TAOK3: variants seen among roughly 807,000 people sequenced by gnomAD.
The protein encoded by TAOK3 is TAO kinase 3.
TAOK3 carries 40 observed loss-of-function variants against 120.4 expected under a neutral mutation model. That is an observed-to-expected ratio of 0.33 (90% CI 0.26 to 0.43). The LOEUF (loss-of-function observed/expected upper bound fraction) is 0.43. Among genes scored for constraint, TAOK3 ranks in the 20% least tolerant of loss-of-function variants. TAOK3 has a pLI of 1.00. For missense variants in TAOK3, 821 were observed against 1,112.1 expected, an observed-to-expected ratio of 0.74 and a Z score of 3.72; for synonymous variants, 355 against 387.5, an observed-to-expected ratio of 0.92 and a Z score of 0.99.
chr12:118,316,119 T>G (rs2043447853), intron 1 of TAOK3, among the ~76,000 whole-genome samples: 1 of 152,208 alleles, frequency 6.6e-6, no homozygotes, highest in African/African-American at 2.4e-5. Context: ...TCCCTTCAAT[T>G]TATTCCTAAT....
chr12:118,314,765 A>G (rs576799529), intron 1 of TAOK3, among the ~76,000 whole-genome samples: 3 of 152,256 alleles, frequency 2.0e-5, no homozygotes, highest in Admixed American at 6.5e-5. Context: ...CCACCATAAC[A>G]ATGCTTATCA....
At chr12:118,214,179 T>G in intron 9 of TAOK3, 69 bp from the exon 10 acceptor site, 1 of 1,241,204 alleles carries the variant, frequency 8.1e-7, no homozygotes, top group Admixed American at 2.3e-5. Flanking sequence ...AATAAGAAAC[T>G]ATGAGCAAAG....
In TAOK3 at chr12:118,168,957, TTTCCTTCCTTCCTTCCTTCCTTCC is replaced by T. The variant is rs150570843; in HGVS notation, c.1899+3476_1899+3499del. Among the ~76,000 whole-genome samples the T allele has an allele frequency of 8.9e-3, 1,321 of 147,782 alleles. 13 individuals carry two copies. Among genetic ancestry groups the T allele is most frequent in the African/African-American group, 0.03 (1,189 of 39,774 alleles). On this transcript the variant is annotated intron_variant, in intron 17 of 20. Transcript: ENST00000392533. ...TGCAGTACTGAATCAGCTTGCTTGC[TTTCCTTCCTTCCTTCCTTCCTTCC>T]TTCCTTCCTTCCTTCCTTCCTTTCT...
At chr12:118,341,022 A>G (rs1041226555) in intron 1 of TAOK3, among the ~76,000 whole-genome samples, 1 of 147,708 alleles carries the variant, frequency 6.8e-6, no homozygotes, top group East Asian at 2.0e-4. Context: ...ACAGAGTCTC[A>G]CTCTGTTGCC....
chr12:118,245,056 ATATT>A (rs1475655480), intron 3 of TAOK3, 91 bp from the exon 4 acceptor site: 1 of 783,134 alleles, frequency 1.3e-6, no homozygotes, highest in Non-Finnish European at 2.0e-6. Context: ...ATTTATTTAT[ATATT>A]TATTTATTGA....
chr12:118,305,119 TG>T (rs1464259727), intron 1 of TAOK3, among the ~76,000 whole-genome samples: 2 of 152,160 alleles, frequency 1.3e-5, no homozygotes, highest in Admixed American at 1.3e-4. Context: ...GATTGTTTAT[TG>T]TCAGGATTTA....
intron 13 of TAOK3, among the ~76,000 whole-genome samples, chr12:118,192,026 T>A (rs1322687594): frequency 1.3e-5 from 2 of 152,168 alleles, no homozygotes; most frequent in African/African-American, 4.8e-5. Context: ...GGATAACCAA[T>A]GACACTAGAA....
intron 1 of TAOK3, among the ~76,000 whole-genome samples, chr12:118,290,921 T>G (rs1005626624): frequency 6.6e-5 from 10 of 150,768 alleles, no homozygotes; most frequent in Non-Finnish European, 1.2e-4. Context: ...TGAGACGGAG[T>G]CTGTTGCCCA....
At chr12:118,294,495 A>G (rs61946064) in intron 1 of TAOK3, among the ~76,000 whole-genome samples, 14,368 of 151,674 alleles carry the variant, frequency 0.095, 861 homozygotes, top group Non-Finnish European at 0.13. Flanking sequence ...GCGACCCTCC[A>G]GCCTCAGTCT....
chr12:118,324,734 CTTTTTTTTTTTTTT>C (rs35462737), intron 1 of TAOK3, among the ~76,000 whole-genome samples: 5 of 69,584 alleles, frequency 7.2e-5, no homozygotes, highest in Non-Finnish European at 1.1e-4. Context: ...GAATTTCATT[CTTTTTTTTTTTTTT>C]TTTTTTTTTT....
At chr12:118,247,631 C>CGAGT (rs2040574259) in intron 3 of TAOK3, among the ~76,000 whole-genome samples, 2 of 152,120 alleles carry the variant, frequency 1.3e-5, no homozygotes, top group African/African-American at 4.8e-5. Context: ...CTTCCCACCA[C>CGAGT]AGCCTCTTGA....
intron 1 of TAOK3, among the ~76,000 whole-genome samples, chr12:118,338,050 A>T (rs565554662): frequency 1.3e-5 from 2 of 152,330 alleles, no homozygotes; most frequent in South Asian, 4.1e-4. Flanking sequence ...AGTGCGTGTA[A>T]ATCTACAATT....
intron 17 of TAOK3, among the ~76,000 whole-genome samples, chr12:118,172,202 T>G (rs1365559128): frequency 6.6e-6 from 1 of 152,254 alleles, no homozygotes; most frequent in Non-Finnish European, 1.5e-5. Context: ...GTGATATGGC[T>G]TATAACGGGA....
chr12:118,262,279 C>T (rs571249931), intron 2 of TAOK3, among the ~76,000 whole-genome samples: 18 of 152,112 alleles, frequency 1.2e-4, no homozygotes, highest in African/African-American at 4.3e-4. Flanking sequence ...GTCAGGAGTT[C>T]AAGACCAGCC....
intron 1 of TAOK3, among the ~76,000 whole-genome samples, chr12:118,324,193 GA>G (rs1191318171): frequency 1.3e-5 from 2 of 152,054 alleles, no homozygotes; most frequent in African/African-American, 2.4e-5. Flanking sequence ...GAAATACGGA[GA>G]AAAAAATCAG....
At position 118,371,520 on chromosome 12, in the gene TAOK3, C is replaced by T. The variant is rs947815405; in HGVS notation, c.-194+1128G>A. On this transcript the variant is annotated intron_variant, in intron 1 of 20. Coordinates refer to ENST00000392533, the MANE Select transcript of TAOK3 (RefSeq NM_016281.4). The surrounding 1 kb of genome is among the most constrained non-coding windows in gnomAD (Gnocchi z 5.5). Reference sequence around the variant, plus strand: ...TTCAGAGATGTTTCATGACATAATCCGGCTCCGGAGTCCCCCGGAGTCCCG... The same window carrying T: ...TTCAGAGATGTTTCATGACATAATCTGGCTCCGGAGTCCCCCGGAGTCCCG... Among the ~76,000 whole-genome samples the T allele has an allele frequency of 4.7e-5, 2 of 42,764 alleles. No individual in the cohort carries two copies. The highest frequency in any genetic ancestry group is 8.3e-5 in the Non-Finnish European group (2 of 24,230). The allele number at this position is 42,764 out of a possible 152,430, so 28.1% of individuals were successfully genotyped here. A position where few individuals can be genotyped will look rare whatever the true frequency, so the allele number is the denominator to read the frequency against.
intron 14 of TAOK3, among the ~76,000 whole-genome samples, chr12:118,182,611 ATATATATATATATTTTTT>A (rs2036813980): frequency 1.2e-5 from 1 of 83,972 alleles, no homozygotes; most frequent in Non-Finnish European, 2.3e-5. Context: ...ATATATATAT[ATATATATATATATTTTTT>A]TTTTTTTTTA....
intron 1 of TAOK3, among the ~76,000 whole-genome samples, chr12:118,361,318 G>C (rs573743240): frequency 1.3e-5 from 2 of 152,230 alleles, no homozygotes; most frequent in East Asian, 3.9e-4. Flanking sequence ...TGTGGTAGTA[G>C]GAATGGCTTT....
At chr12:118,319,171 A>T (rs2043596675) in intron 1 of TAOK3, among the ~76,000 whole-genome samples, 1 of 152,242 alleles carries the variant, frequency 6.6e-6, no homozygotes, top group Non-Finnish European at 1.5e-5. Flanking sequence ...TCTACAATGT[A>T]TGCATATATC....
Sources: gnomAD v4.1 joint callset for allele counts (sites outside exome capture counted in the v4.1 genomes callset) on GRCh38, gnomAD v4.1.1 for gene constraint, Gnocchi (gnomAD v3.1) non-coding constraint, MANE v1.5 for transcripts, NCBI Gene and HGNC (gene_info 2026-07-23, HGNC 2026-07-21) for gene names.